Variants in KLHL7 observed in about 807,000 individuals in gnomAD.
KLHL7 encodes the protein kelch like family member 7.
Under a neutral mutation model 67.4 loss-of-function variants are expected in KLHL7, and 44 were observed. That is an observed-to-expected ratio of 0.65 (90% confidence interval 0.51 to 0.84). The LOEUF is 0.84. Ranked by LOEUF, KLHL7 falls within the 40% of genes least tolerant of loss-of-function variation. The pLI is 0.00. For synonymous variants in KLHL7, 252 were observed against 243.3 expected, an observed-to-expected ratio of 1.04 and a Z score of -0.33; for missense variants, 362 against 718.1, an observed-to-expected ratio of 0.50 and a Z score of 5.67.
At position 23,176,429 on chromosome 7, in the gene KLHL7, T is replaced by A. The variant is rs566142271; in HGVS notation, c.*2131T>A. On this transcript the variant is annotated 3_prime_UTR_variant, in exon 11 of 11. Transcript: ENST00000339077. ...AGGACAACATAGGAGCCAGACACAG[T>A]GGCTCAGGCCGGTAATTTCAACACT... 6.6e-6 allele frequency: 1 copy of A among 152,372 alleles called. No individual in the cohort carries two copies. The highest frequency in any genetic ancestry group is 2.4e-5 in the African/African-American group (1 of 41,558). 9.4% of individuals were successfully genotyped at this position (152,372 alleles called of 1,614,324 possible). A position where few individuals can be genotyped will look rare whatever the true frequency, so the allele number is the denominator to read the frequency against.
In KLHL7 at chr7:23,113,748, C is replaced by G. The variant is rs999230640; in HGVS notation, c.120+7602C>G. Among the ~76,000 whole-genome samples the G allele has an allele frequency of 9.2e-5, 14 of 152,266 alleles. No individual in the cohort carries two copies. In the South Asian group the frequency reaches 2.5e-3, roughly 27 times the overall value. On this transcript the variant is annotated intron_variant, in intron 1 of 10. Transcript: ENST00000339077. ...GGCTGAGGCATGAGAATCGATTGAACCCAGGAGGCGGAAGTTGTTGTGAGC... is the reference window on the plus strand; with the variant it reads ...GGCTGAGGCATGAGAATCGATTGAAGCCAGGAGGCGGAAGTTGTTGTGAGC...
intron 4 of KLHL7, among the ~76,000 whole-genome samples, chr7:23,138,692 CA>C (rs1305290302): frequency 6.6e-6 from 1 of 151,636 alleles, no homozygotes; most frequent in East Asian, 2.0e-4. Flanking sequence ...TGCGCGCCAC[CA>C]CACTCAGCTG....
At chr7:23,134,751 C>T (rs1187531538) in intron 4 of KLHL7, among the ~76,000 whole-genome samples, 3 of 152,036 alleles carry the variant, frequency 2.0e-5, no homozygotes, top group Non-Finnish European at 2.9e-5. Flanking sequence ...AATAGTTGCT[C>T]GTAGTAACTG....
intron 1 of KLHL7, among the ~76,000 whole-genome samples, chr7:23,112,398 G>A (rs1782911761): frequency 6.6e-6 from 1 of 152,196 alleles, no homozygotes; most frequent in Admixed American, 6.5e-5. Context: ...TGGGTTAGAT[G>A]TATATATTTG....
At chr7:23,171,053 G>A (rs993560876) in intron 9 of KLHL7, 9 of 166,836 alleles carry the variant, frequency 5.4e-5, no homozygotes, top group South Asian at 4.7e-4. Context: ...GATTACAGGC[G>A]CACGCCACCA....
chr7:23,107,142 T>C (rs2128455129), intron 1 of KLHL7, among the ~76,000 whole-genome samples: 1 of 152,352 alleles, frequency 6.6e-6, no homozygotes, highest in East Asian at 1.9e-4. Context: ...CGCTGACTGC[T>C]GGGATTTTGT....
At chr7:23,117,240 A>G (rs1783129963) in intron 1 of KLHL7, among the ~76,000 whole-genome samples, 1 of 151,764 alleles carries the variant, frequency 6.6e-6, no homozygotes, top group African/African-American at 2.4e-5. Flanking sequence ...GACGCGCACC[A>G]CCACGCCTGG....
chr7:23,167,670 A>T (rs75932569), intron 8 of KLHL7, among the ~76,000 whole-genome samples, 166 bp from the exon 9 acceptor site: 1,646 of 152,354 alleles, frequency 0.011, 37 homozygotes, highest in African/African-American at 0.038. Flanking sequence ...CAGGATTATT[A>T]GCGTTTTCTT....
chr7:23,158,607 A>T (rs2128468244), intron 7 of KLHL7, among the ~76,000 whole-genome samples: 1 of 152,318 alleles, frequency 6.6e-6, no homozygotes, highest in East Asian at 1.9e-4. Context: ...TGGTTGTAAA[A>T]GTATGTTTAA....
intron 4 of KLHL7, among the ~76,000 whole-genome samples, chr7:23,128,422 T>TA (rs201757686): frequency 0.067 from 7,684 of 115,122 alleles, 494 homozygotes; most frequent in Non-Finnish European, 0.093. Context: ...TCTTTGGGTT[T>TA]AAAAAAAAAA....
At position 23,175,510 on chromosome 7, in the gene KLHL7, T is replaced by C. The variant is rs1361847599; in HGVS notation, c.*1212T>C. ...GTGTCTCTTAATTTTCAGTTTTCTTTATATAGAGGTTATAATAGTCTTAAA... is the reference window on the plus strand; with the variant it reads ...GTGTCTCTTAATTTTCAGTTTTCTTCATATAGAGGTTATAATAGTCTTAAA... On this transcript the variant is annotated 3_prime_UTR_variant, in exon 11 of 11. Transcript: ENST00000339077. 1 of 367,656 alleles carries C rather than the reference T, an allele frequency of 2.7e-6. No individual in the cohort carries two copies. Among genetic ancestry groups the C allele is most frequent in the Non-Finnish European group, 5.2e-6 (1 of 193,384 alleles). 22.8% of individuals were successfully genotyped at this position (367,656 alleles called of 1,614,324 possible).
At chr7:23,157,154 T>G (rs1387225844) in intron 7 of KLHL7, among the ~76,000 whole-genome samples, 1 of 152,246 alleles carries the variant, frequency 6.6e-6, no homozygotes, top group South Asian at 2.1e-4. Context: ...TAAAGGAAAA[T>G]GGTGTTACAT....
chr7:23,111,499 T>G (rs1782868261), intron 1 of KLHL7, among the ~76,000 whole-genome samples: 1 of 152,166 alleles, frequency 6.6e-6, no homozygotes. Context: ...CATGCATGTT[T>G]GTAGAGATGG....
chr7:23,106,609 G>C, intron 1 of KLHL7: 9 of 1,040,834 alleles, frequency 8.6e-6, no homozygotes, highest in Non-Finnish European at 1.0e-5. Flanking sequence ...GCCCCCTCCT[G>C]TGTTCCCCGG....
intron 7 of KLHL7, among the ~76,000 whole-genome samples, chr7:23,157,793 G>A (rs1022462471): frequency 3.3e-5 from 5 of 152,110 alleles, no homozygotes; most frequent in South Asian, 2.1e-4. Flanking sequence ...TATGACTGGT[G>A]CTGGGAGTCA....
chr7:23,141,037 C>T, intron 5 of KLHL7, 93 bp downstream of exon 5: 1 of 1,062,390 alleles, frequency 9.4e-7, no homozygotes, highest in South Asian at 1.3e-5. Context: ...GGGAAAGAGT[C>T]ATATTAGGAA....
chr7:23,109,325 T>C (rs1225467316), intron 1 of KLHL7, among the ~76,000 whole-genome samples: 1 of 152,238 alleles, frequency 6.6e-6, no homozygotes, highest in East Asian at 1.9e-4. Flanking sequence ...TATTACCTGA[T>C]ATGTAAAATA....
In KLHL7 at chr7:23,152,185, G is replaced by A. The variant is rs925321454; in HGVS notation, c.912G>A (p.Gln304=). The A allele has an allele frequency of 1.9e-6, 3 of 1,613,894 alleles. No homozygotes were observed. The highest frequency in any genetic ancestry group is 2.5e-6 in the Non-Finnish European group (3 of 1,179,852). ...RIALFGGSQP[Q]SCRYFNPKDY... is the part of the protein sequence containing the mutation. Reference sequence around the variant, plus strand: ...CCCTATTTGGAGGCTCTCAACCACAGTCTTGTAGATATTTTAACCCAAAGG... The same window carrying A: ...CCCTATTTGGAGGCTCTCAACCACAATCTTGTAGATATTTTAACCCAAAGG... Residue 304 remains glutamine, a synonymous_variant, in exon 7 of 11, where the codon CAG becomes CAA. Coordinates refer to ENST00000339077, the MANE Select transcript of KLHL7 (RefSeq NM_001031710.3).
In KLHL7 at chr7:23,174,421, G is replaced by A; in HGVS notation, c.*123G>A. ...GTAAAGAAAGTTTCAAGTGAAATGA[G>A]GTTCCTATAAAATAGATGTTTCTTT... On this transcript the variant is annotated 3_prime_UTR_variant, in exon 11 of 11. Coordinates refer to ENST00000339077, the MANE Select transcript of KLHL7 (RefSeq NM_001031710.3). 1 of 959,694 alleles carries A rather than the reference G, an allele frequency of 1.0e-6. No individual in the cohort carries two copies. Among genetic ancestry groups the A allele is most frequent in the South Asian group, 1.4e-5 (1 of 73,792 alleles). 59.4% of individuals were successfully genotyped at this position (959,694 alleles called of 1,614,324 possible).
Sources: allele counts gnomAD v4.1 joint callset (sites outside exome capture counted in the v4.1 genomes callset), GRCh38; gene constraint gnomAD v4.1.1; transcripts MANE v1.5; gene names NCBI Gene and HGNC (gene_info 2026-07-23, HGNC 2026-07-21).